TOX: variants seen among roughly 807,000 people sequenced by gnomAD.
TOX encodes the protein thymocyte selection-associated high mobility group box protein TOX.
TOX carries 11 observed loss-of-function variants against 53.7 expected under a neutral mutation model. The ratio of observed to expected loss-of-function variants is 0.20; its 90% CI spans 0.13 to 0.34. TOX has a LOEUF of 0.34. Among genes scored for constraint, TOX ranks in the 10% least tolerant of loss-of-function variants. The pLI, the probability that TOX is intolerant of heterozygous loss-of-function variation, is 1.00. For missense variants in TOX, 570 were observed against 664.6 expected (o/e 0.86, Z 1.56); for synonymous variants, 225 against 245.3 (o/e 0.92, Z 0.77).
chr8:58,878,454 T>C (rs755725946), intron 3 of TOX, among the ~76,000 whole-genome samples: 1 of 152,252 alleles, frequency 6.6e-6, no homozygotes, highest in African/African-American at 2.4e-5. Context: ...TCATTGTTCT[T>C]TTTAAATCTG....
intron 1 of TOX, among the ~76,000 whole-genome samples, chr8:59,076,445 G>T (rs1278043953): frequency 2.0e-5 from 3 of 152,190 alleles, no homozygotes; most frequent in Non-Finnish European, 4.4e-5. Flanking sequence ...TCACACTGGT[G>T]AATCTGGAGT....
rs538001960 is a variant in TOX at position 58,829,277 on chromosome 8, T to A, written c.925-2375A>T. Among the ~76,000 whole-genome samples the A allele has an allele frequency of 2.6e-5, 4 of 152,200 alleles. No homozygotes were observed. The South Asian group carries it at 8.3e-4, about 32-fold the overall frequency. On this transcript the variant is annotated intron_variant, in intron 5 of 8. Transcript: ENST00000361421. ...GGGAAGAAAGGTGGCTAACTCCACA[T>A]GTTTCAGGCTGCATAGATGCCCCTG... is the stretch of plus-strand genomic sequence containing the variant.
chr8:58,960,646 G>A (rs1157323343), intron 1 of TOX, among the ~76,000 whole-genome samples: 1 of 152,166 alleles, frequency 6.6e-6, no homozygotes, highest in African/African-American at 2.4e-5. Flanking sequence ...TCGAATTTAT[G>A]TATTAAAAAT....
chr8:59,063,284 C>T (rs183757988), intron 1 of TOX, among the ~76,000 whole-genome samples: 3 of 152,084 alleles, frequency 2.0e-5, no homozygotes, highest in African/African-American at 7.2e-5. Flanking sequence ...ATGTTTCAAA[C>T]ATTATAGGTT....
intron 3 of TOX, among the ~76,000 whole-genome samples, chr8:58,925,032 A>C (rs1480319637): frequency 6.6e-6 from 1 of 152,188 alleles, no homozygotes; most frequent in Non-Finnish European, 1.5e-5. Context: ...TGGCACATGG[A>C]GATGCACCTC....
At chr8:58,963,845 A>G (rs1034200797) in intron 1 of TOX, among the ~76,000 whole-genome samples, 4 of 152,184 alleles carry the variant, frequency 2.6e-5, no homozygotes, top group South Asian at 4.1e-4. Context: ...TAGTGCCTCT[A>G]TGGCTTAGGG....
intron 1 of TOX, among the ~76,000 whole-genome samples, chr8:59,106,607 G>A (rs1439706537): frequency 1.3e-5 from 2 of 152,038 alleles, no homozygotes; most frequent in Non-Finnish European, 2.9e-5. Context: ...TTTTGGCACG[G>A]CTGACCTGCA....
intron 1 of TOX, among the ~76,000 whole-genome samples, chr8:59,075,810 AAGGTC>A (rs1453391526): frequency 6.6e-6 from 1 of 152,014 alleles, no homozygotes; most frequent in Non-Finnish European, 1.5e-5. Context: ...TCAGCATTAA[AAGGTC>A]AGGAACATGA....
chr8:58,896,709 T>TAAAAC (rs1563382458), intron 3 of TOX, among the ~76,000 whole-genome samples: 1 of 118,492 alleles, frequency 8.4e-6, no homozygotes, highest in Non-Finnish European at 1.8e-5. Flanking sequence ...TAAAATAAAA[T>TAAAAC]AAAAACAAAA....
chr8:59,008,413 A>G (rs929579585), intron 1 of TOX, among the ~76,000 whole-genome samples: 1 of 152,218 alleles, frequency 6.6e-6, no homozygotes. Flanking sequence ...AGGGGAAGCA[A>G]TCTATGCTCA....
At chr8:58,879,735 A>G (rs1811350695) in intron 3 of TOX, among the ~76,000 whole-genome samples, 1 of 152,154 alleles carries the variant, frequency 6.6e-6, no homozygotes, top group Non-Finnish European at 1.5e-5. Context: ...AAATGAAACA[A>G]AACCAAACCC....
At chr8:59,064,846 T>C (rs1301004015) in intron 1 of TOX, among the ~76,000 whole-genome samples, 1 of 152,156 alleles carries the variant, frequency 6.6e-6, no homozygotes, top group African/African-American at 2.4e-5. Flanking sequence ...TAGCATATTT[T>C]AAATAGTCTG....
chr8:59,081,167 C>G (rs1399214424), intron 1 of TOX, among the ~76,000 whole-genome samples: 1 of 152,096 alleles, frequency 6.6e-6, no homozygotes, highest in Non-Finnish European at 1.5e-5. Flanking sequence ...GCTGGGACTA[C>G]AAGTGAGTAC....
intron 1 of TOX, among the ~76,000 whole-genome samples, chr8:59,009,544 TGTACTTTTA>T (rs1217854745): frequency 6.6e-6 from 1 of 152,068 alleles, no homozygotes; most frequent in African/African-American, 2.4e-5. Context: ...GGCTAATTTT[TGTACTTTTA>T]GTAGAGACAG....
At chr8:59,098,917 A>C (rs1306295739) in intron 1 of TOX, among the ~76,000 whole-genome samples, 4 of 152,302 alleles carry the variant, frequency 2.6e-5, no homozygotes, top group East Asian at 1.9e-4. Flanking sequence ...AATGGTTCCG[A>C]TGTGAATTAA....
intron 1 of TOX, among the ~76,000 whole-genome samples, chr8:59,082,526 C>T (rs1804427953): frequency 6.6e-6 from 1 of 152,218 alleles, no homozygotes; most frequent in African/African-American, 2.4e-5. Flanking sequence ...TCCTTTACAT[C>T]TCTACGTATG....
intron 1 of TOX, among the ~76,000 whole-genome samples, chr8:59,099,099 G>A (rs1217736653): frequency 6.6e-6 from 1 of 152,108 alleles, no homozygotes; most frequent in Non-Finnish European, 1.5e-5. Flanking sequence ...TTTAAACTTG[G>A]TGTCTGTAAT....
At chr8:58,848,373 CA>C (rs1810753424) in intron 4 of TOX, among the ~76,000 whole-genome samples, 1 of 144,060 alleles carries the variant, frequency 6.9e-6, no homozygotes, top group Non-Finnish European at 1.5e-5. Context: ...CTTAGAAAAA[CA>C]AGCCTATTTT....
intron 2 of TOX, among the ~76,000 whole-genome samples, chr8:58,944,537 A>G (rs1438295021): frequency 6.6e-6 from 1 of 152,214 alleles, no homozygotes; most frequent in Non-Finnish European, 1.5e-5. Context: ...ACTGTTAAGA[A>G]TGGCCACTGT....
Sources: gnomAD v4.1 joint callset for allele counts (sites outside exome capture counted in the v4.1 genomes callset) on GRCh38, gnomAD v4.1.1 for gene constraint, MANE v1.5 for transcripts, NCBI Gene and HGNC (gene_info 2026-07-23, HGNC 2026-07-21) for gene names.